Variants in AKT3 observed in about 807,000 individuals in gnomAD.
AKT3 encodes the protein RAC-gamma serine/threonine-protein kinase.
A neutral mutation model predicts 65.3 loss-of-function variants in AKT3; 15 were observed. The observed-to-expected ratio is 0.23, with a 90% CI of 0.15 to 0.35. AKT3 has a LOEUF of 0.35. Among genes scored for constraint, AKT3 ranks in the 10% least tolerant of loss-of-function variants. The pLI is 1.00. For synonymous variants in AKT3, 206 were observed against 183.8 expected, an observed-to-expected ratio of 1.12 and a Z score of -0.98; for missense variants, 243 against 576.5, an observed-to-expected ratio of 0.42 and a Z score of 5.92.
chr1:243,649,323 G>A (rs369843547), intron 4 of AKT3, among the ~76,000 whole-genome samples: 65,477 of 136,332 alleles, frequency 0.48, 17,180 homozygotes, highest in Non-Finnish European at 0.59. Context: ...ATGTGTGTGT[G>A]TGTGTGTGTG....
chr1:243,716,855 A>G (rs1686542283), intron 2 of AKT3, among the ~76,000 whole-genome samples: 1 of 152,254 alleles, frequency 6.6e-6, no homozygotes, highest in East Asian at 1.9e-4. Context: ...GTTACAAGGA[A>G]CAAAGATCCA....
At chr1:243,643,859 A>T (rs1227019139) in intron 5 of AKT3, among the ~76,000 whole-genome samples, 2 of 152,234 alleles carry the variant, frequency 1.3e-5, no homozygotes, top group Non-Finnish European at 2.9e-5. Context: ...CTTAAAAATA[A>T]TCCAAACTTC....
At chr1:243,740,797 CT>C (rs1688107004) in intron 2 of AKT3, 2 of 152,172 alleles carry the variant, frequency 1.3e-5, no homozygotes, top group South Asian at 4.1e-4. Flanking sequence ...TCCACTTGGA[CT>C]TTTATCATTA....
intron 3 of AKT3, among the ~76,000 whole-genome samples, chr1:243,694,175 T>G (rs1470913900): frequency 6.6e-6 from 1 of 152,162 alleles, no homozygotes; most frequent in African/African-American, 2.4e-5. Flanking sequence ...GAAAAACCAA[T>G]AACATTTGCT....
chr1:243,659,396 G>A (rs1460002650), intron 4 of AKT3, among the ~76,000 whole-genome samples: 1 of 152,080 alleles, frequency 6.6e-6, no homozygotes, highest in African/African-American at 2.4e-5. Context: ...AAAAATGAAA[G>A]AGGATTTCAC....
At chr1:243,785,235 ATT>A (rs757049231) in intron 2 of AKT3, among the ~76,000 whole-genome samples, 14 of 138,872 alleles carry the variant, frequency 1.0e-4, no homozygotes, top group Non-Finnish European at 9.5e-5. Flanking sequence ...TGCCCAGCTA[ATT>A]TTTTTTTTTT....
At chr1:243,793,734 T>C (rs1414254003) in intron 2 of AKT3, among the ~76,000 whole-genome samples, 1 of 149,144 alleles carries the variant, frequency 6.7e-6, no homozygotes, top group Non-Finnish European at 1.5e-5. Flanking sequence ...ATCGCACCAC[T>C]GCACTCTGCA....
At chr1:243,815,725 C>T (rs1361113508) in intron 2 of AKT3, among the ~76,000 whole-genome samples, 1 of 151,932 alleles carries the variant, frequency 6.6e-6, no homozygotes, top group African/African-American at 2.4e-5. Context: ...ATCCTCCCAC[C>T]TCAGTCTCCC....
intron 2 of AKT3, among the ~76,000 whole-genome samples, chr1:243,771,883 C>T (rs1690208780): frequency 6.6e-6 from 1 of 152,106 alleles, no homozygotes; most frequent in South Asian, 2.1e-4. Flanking sequence ...GAAATAATAC[C>T]ACACATCTAC....
intron 6 of AKT3, among the ~76,000 whole-genome samples, chr1:243,634,929 G>C (rs886087415): frequency 1.3e-5 from 2 of 151,748 alleles, no homozygotes; most frequent in African/African-American, 4.8e-5. Flanking sequence ...GGAAGACTTC[G>C]ACAACTCAAT....
chr1:243,539,772 CTT>C (rs957027875), intron 12 of AKT3, among the ~76,000 whole-genome samples: 2 of 152,262 alleles, frequency 1.3e-5, no homozygotes, highest in Admixed American at 1.3e-4. Flanking sequence ...AATTAAAACT[CTT>C]TTGAAATGAA....
At chr1:243,785,053 G>C (rs1558808178) in intron 2 of AKT3, among the ~76,000 whole-genome samples, 2 of 150,294 alleles carry the variant, frequency 1.3e-5, no homozygotes, top group Non-Finnish European at 3.0e-5. Flanking sequence ...ACAAGCCACT[G>C]TCCAACTCAA....
chr1:243,781,091 GC>G (rs1690880950), intron 2 of AKT3, among the ~76,000 whole-genome samples: 1 of 151,908 alleles, frequency 6.6e-6, no homozygotes, highest in Non-Finnish European at 1.5e-5. Flanking sequence ...TGTTAATAGA[GC>G]TATACAGCCT....
Position 243,572,848 on chromosome 1 carries a change from A to G in AKT3, c.819+78T>C, listed in dbSNP as rs912442712. On this transcript the variant is annotated intron_variant, in intron 9 of 13. Coordinates refer to ENST00000673466, the MANE Select transcript of AKT3 (RefSeq NM_005465.7). ...CTAAATCTGCTTTTCTCAAAACTGT[A>G]TAACTTTGTAATTACTTTATGTTTG... The G allele has an allele frequency of 2.4e-5, 33 of 1,389,478 alleles. No homozygotes were observed. The East Asian group carries it at 3.3e-4, about 14-fold the overall frequency. 86.1% of individuals were successfully genotyped at this position (1,389,478 alleles called of 1,614,324 possible).
chr1:243,702,419 C>T (rs747416843), intron 2 of AKT3, among the ~76,000 whole-genome samples: 2 of 152,154 alleles, frequency 1.3e-5, no homozygotes, highest in African/African-American at 2.4e-5. Context: ...AACCTCTTTA[C>T]ATCTCAGGGT....
intron 3 of AKT3, among the ~76,000 whole-genome samples, chr1:243,689,087 G>C (rs1262539858): frequency 6.6e-6 from 1 of 152,006 alleles, no homozygotes; most frequent in African/African-American, 2.4e-5. Context: ...ACTTTCTACA[G>C]AATTCATTTT....
chr1:243,609,552 G>A (rs1677709280), intron 8 of AKT3, among the ~76,000 whole-genome samples: 1 of 152,098 alleles, frequency 6.6e-6, no homozygotes, highest in South Asian at 2.1e-4. Context: ...TAGCTACTCG[G>A]GAGACTGAGG....
intron 4 of AKT3, among the ~76,000 whole-genome samples, chr1:243,654,348 TTTTA>T (rs1182232779): frequency 6.6e-6 from 1 of 152,230 alleles, no homozygotes; most frequent in East Asian, 1.9e-4. Flanking sequence ...CAATGCTTAC[TTTTA>T]TTTATTGGTT....
Position 243,795,449 on chromosome 1 carries a change from GTTTT to G in AKT3, c.46+47672_46+47675del, listed in dbSNP as rs1193523598. ...GGCGTAGGTTTCCCTTGATCTCCTT[GTTTT>G]TTTTTTTTGTTTTTTTTTTTTGGTT... On this transcript the variant is annotated intron_variant, in intron 2 of 13. Coordinates refer to ENST00000673466, the MANE Select transcript of AKT3 (RefSeq NM_005465.7). Among the ~76,000 whole-genome samples, 4 of 93,506 alleles carry G rather than the reference GTTTT, an allele frequency of 4.3e-5. No individual in the cohort carries two copies. The East Asian group carries it at 9.8e-4, about 23-fold the overall frequency. 61.3% of individuals were successfully genotyped at this position (93,506 alleles called of 152,430 possible). A position where few individuals can be genotyped will look rare whatever the true frequency, so the allele number is the denominator to read the frequency against.
Sources: gnomAD v4.1 joint callset for allele counts (sites outside exome capture counted in the v4.1 genomes callset) on GRCh38, gnomAD v4.1.1 for gene constraint, MANE v1.5 for transcripts, NCBI Gene and HGNC (gene_info 2026-07-23, HGNC 2026-07-21) for gene names.